Variants in LONRF3 observed in about 807,000 individuals in gnomAD.
LONRF3 encodes the protein LON peptidase N-terminal domain and ring finger 3.
In LONRF3, 19 loss-of-function variants were observed where a neutral mutation model predicts 51.7. The ratio of observed to expected loss-of-function variants is 0.37; its 90% confidence interval spans 0.26 to 0.54. The LOEUF (loss-of-function observed/expected upper bound fraction) is 0.54. LONRF3 is among the 20% of genes least tolerant of loss of function. The pLI is 0.86. For synonymous variants in LONRF3, 265 were observed against 257.8 expected (o/e 1.03, Z -0.27); for missense variants, 521 against 623.9 (o/e 0.84, Z 1.76).
At chrX:118,995,267 G>A (rs1923788896) in intron 5 of LONRF3, among the ~76,000 whole-genome samples, 1 of 112,110 alleles carries the variant, frequency 8.9e-6, no homozygotes, top group Non-Finnish European at 1.9e-5. Context: ...GATCAAGATG[G>A]AAATTAAAAA....
rs1390316109 is a variant in LONRF3, at chrX:118,994,526, C to T, written c.1415+3966C>T. Among the ~76,000 whole-genome samples, 4 of 110,903 alleles carry T rather than the reference C, an allele frequency of 3.6e-5. No individual in the cohort carries two copies. In the East Asian group the frequency reaches 8.5e-4, roughly 23 times the overall value. ...CAAGCGATTCTCCTGCCTCAGCCTC[C>T]TGAGTAGCTGAGATTACAGGCACGT... On this transcript the variant is annotated intron_variant, in intron 5 of 10. Coordinates refer to ENST00000371628, the MANE Select transcript of LONRF3 (RefSeq NM_001031855.3).
At chrX:119,000,849 C>G (rs190539043) in intron 5 of LONRF3, among the ~76,000 whole-genome samples, 1 of 97,420 alleles carries the variant, frequency 1.0e-5, no homozygotes, top group South Asian at 5.3e-4. Flanking sequence ...CACTGTCACT[C>G]TCTCTTCCTC....
intron 3 of LONRF3, among the ~76,000 whole-genome samples, chrX:118,987,513 C>T (rs1174326975): frequency 2.4e-5 from 2 of 83,730 alleles, no homozygotes; most frequent in African/African-American, 4.8e-5. Flanking sequence ...AGGCTGGTCT[C>T]GAACTCCTGG....
chrX:118,984,803 C>T (rs767404245), intron 3 of LONRF3, among the ~76,000 whole-genome samples: 2 of 111,990 alleles, frequency 1.8e-5, no homozygotes, highest in Non-Finnish European at 3.8e-5. Context: ...GCCATGGCGG[C>T]GATTCAGAAC....
intron 5 of LONRF3, among the ~76,000 whole-genome samples, chrX:118,992,002 A>G (rs1191392761): frequency 8.9e-6 from 1 of 112,178 alleles, no homozygotes; most frequent in East Asian, 2.8e-4. Flanking sequence ...TTTCCAGGAC[A>G]AGGTCCACAT....
At chrX:118,988,262 G>A (rs1280855465) in intron 3 of LONRF3, among the ~76,000 whole-genome samples, 2 of 111,999 alleles carry the variant, frequency 1.8e-5, no homozygotes, top group Non-Finnish European at 3.8e-5. Flanking sequence ...AAATGATTGA[G>A]AATGCTAATA....
chrX:118,999,063 T>C (rs1353773104), intron 5 of LONRF3, among the ~76,000 whole-genome samples: 1 of 112,778 alleles, frequency 8.9e-6, no homozygotes, highest in Admixed American at 9.4e-5. Flanking sequence ...ATATCGATCA[T>C]GTGCATTTGT....
chrX:118,989,428 T>A lies in LONRF3; in HGVS notation c.1080T>A (p.His360Gln). The A allele has an allele frequency of 8.3e-7, 1 of 1,210,768 alleles. No homozygotes were observed. Among genetic ancestry groups the A allele is most frequent in the Non-Finnish European group, 1.1e-6 (1 of 895,167 alleles). Residue 360 changes from histidine to glutamine, a missense_variant, in exon 4 of 11, where the codon CAT (histidine) becomes CAA (glutamine). Transcript: ENST00000371628. ...TCCAGGACAATCTGGAGCTCCCACA[T>A]TGTTCTAGTCAGGAGGAAGCAGCAG... ...EAQRDNLELPHCSSQEEAAAR... is the reference protein window; with the variant it reads ...EAQRDNLELPQCSSQEEAAAR...
chrX:119,014,164 G>C, intron 9 of LONRF3, 43 bp from the exon 10 acceptor site: 7 of 1,166,866 alleles, frequency 6.0e-6, no homozygotes, highest in Non-Finnish European at 8.1e-6. Flanking sequence ...TGGGAATGAT[G>C]GAGAGGGTAC....
At chrX:118,983,785 T>A (rs1922750135) in intron 3 of LONRF3, among the ~76,000 whole-genome samples, 1 of 112,021 alleles carries the variant, frequency 8.9e-6, no homozygotes, top group African/African-American at 3.3e-5. Context: ...GAGCAGTGGA[T>A]AAAGAAAGTG....
intron 8 of LONRF3, 177 bp from the exon 9 acceptor site, chrX:119,012,862 T>C: frequency 8.5e-7 from 1 of 1,173,479 alleles, no homozygotes; most frequent in East Asian, 3.0e-5. Context: ...ACATTACGAA[T>C]TTTTTTTCTT....
chrX:119,001,845 G>T (rs1031325893), intron 5 of LONRF3, among the ~76,000 whole-genome samples: 10 of 112,517 alleles, frequency 8.9e-5, no homozygotes, highest in Non-Finnish European at 1.9e-4. Flanking sequence ...ATTTTAGATA[G>T]ATTACATTAG....
chrX:119,006,391 C>T (rs745718767), intron 6 of LONRF3, among the ~76,000 whole-genome samples, 156 bp downstream of exon 6: 5 of 105,210 alleles, frequency 4.8e-5, no homozygotes, highest in Admixed American at 1.0e-4. Context: ...TCTATTTCTC[C>T]TGTCTTCTTT....
chrX:118,985,430 T>A (rs1240103355), intron 3 of LONRF3, among the ~76,000 whole-genome samples: 4 of 111,365 alleles, frequency 3.6e-5, no homozygotes, highest in Non-Finnish European at 5.7e-5. Flanking sequence ...CCCATTTAAC[T>A]CCTGTGCCAA....
At chrX:118,991,186 G>A (rs1923400746) in intron 5 of LONRF3, among the ~76,000 whole-genome samples, 1 of 111,814 alleles carries the variant, frequency 8.9e-6, no homozygotes, top group Non-Finnish European at 1.9e-5. Context: ...CATGGGGTTT[G>A]TTTTTCTTAA....
Position 119,011,834 on chromosome X carries a change from A to G in LONRF3, c.1672A>G (p.Ile558Val). The part of the protein sequence containing the change: ...ELSNLNKNVP[I>V]FVCTMAYPTV... ...TGACAGCCTTAATAAGAATGTGCCT[A>G]TTTTCGTGTGTACTATGGCCTATCC... Residue 558 changes from isoleucine (I) to valine (V), a missense_variant, in exon 8 of 11, where the codon ATT becomes GTT. Around this residue, in one of 2 missense-constraint regions of LONRF3, gnomAD observed 145 missense variants for 247.2 expected, o/e 0.59. Coordinates refer to ENST00000371628, the MANE Select transcript of LONRF3 (RefSeq NM_001031855.3). 1 of 1,210,482 alleles carries G rather than the reference A, an allele frequency of 8.3e-7. No homozygotes were observed. The highest frequency in any genetic ancestry group is 1.1e-6 in the Non-Finnish European group (1 of 894,969).
At chrX:118,989,260 G>C in intron 3 of LONRF3, 148 bp from the exon 4 acceptor site, 1 of 626,972 alleles carries the variant, frequency 1.6e-6, no homozygotes, top group Non-Finnish European at 2.5e-6. Flanking sequence ...AATGCCTTAT[G>C]ACGGCCCCCA....
chrX:118,984,415 G>A (rs770109753), intron 3 of LONRF3, among the ~76,000 whole-genome samples: 4 of 112,193 alleles, frequency 3.6e-5, no homozygotes, highest in Non-Finnish European at 7.5e-5. Context: ...CTTTGGGGAC[G>A]GAGCGTGCAA....
chrX:118,976,745 C>A (rs1051204789), intron 1 of LONRF3: 22 of 113,225 alleles, frequency 1.9e-4, no homozygotes, highest in African/African-American at 6.4e-4. Context: ...AGCCGCCAGC[C>A]GGTGTTGCCC....
Sources: allele counts gnomAD v4.1 joint callset (sites outside exome capture counted in the v4.1 genomes callset), GRCh38; gene constraint gnomAD v4.1.1; regional missense constraint gnomAD v4.1.1; transcripts MANE v1.5; gene names NCBI Gene and HGNC (gene_info 2026-07-23, HGNC 2026-07-21).